The following TENM1 variants were observed in gnomAD, a reference collection of about 807,000 sequenced individuals.
The protein encoded by TENM1 is teneurin-1.
Under a neutral mutation model 174.8 loss-of-function variants are expected in TENM1, and 35 were observed. The observed-to-expected ratio is 0.20, with a 90% confidence interval of 0.15 to 0.27. The LOEUF is 0.27. TENM1 is among the 10% of genes least tolerant of loss of function. The pLI is 1.00. For synonymous variants in TENM1, 781 were observed against 798.7 expected (o/e 0.98, Z 0.37); for missense variants, 1,633 against 2,130.1 (o/e 0.77, Z 4.59).
intron 27 of TENM1, among the ~76,000 whole-genome samples, chrX:124,399,817 C>T (rs970647758): frequency 9.0e-6 from 1 of 111,048 alleles, no homozygotes; most frequent in African/African-American, 3.3e-5. Context: ...GAAACAAAAA[C>T]AAAAATTAGC....
chrX:124,414,458 G>A (rs918398127), intron 25 of TENM1, among the ~76,000 whole-genome samples: 2 of 110,743 alleles, frequency 1.8e-5, no homozygotes, highest in African/African-American at 6.6e-5. Flanking sequence ...CAGCTGCTGC[G>A]GGGTTATTAC....
At chrX:124,778,107 T>G (rs2054825105) in intron 3 of TENM1, among the ~76,000 whole-genome samples, 1 of 113,243 alleles carries the variant, frequency 8.8e-6, no homozygotes, top group African/African-American at 3.2e-5. Context: ...ACCAGGATAT[T>G]TAATTGTTCT....
the TENM1 span, among the ~76,000 whole-genome samples, chrX:125,059,906 G>T: frequency 9.1e-6 from 1 of 109,857 alleles, no homozygotes; most frequent in Admixed American, 9.8e-5. Flanking sequence ...TTTTAGATAT[G>T]ATTAACATTT....
At position 124,838,723 on chromosome X, in the gene TENM1, G is replaced by A. The variant is rs1369978198; in HGVS notation, c.535+55573C>T. On this transcript the variant is annotated intron_variant, in intron 3 of 31. Coordinates refer to ENST00000422452, the Ensembl canonical transcript of TENM1. The stretch of plus-strand genomic sequence containing the variant: ...AATAACTCTGTTAACACCAAGTGAC[G>A]TGTTGGTGATGATATGGGAAAAAAG... Among the ~76,000 whole-genome samples, 4 of 111,200 alleles carry A rather than the reference G, an allele frequency of 3.6e-5. 1 individual carries two copies. The highest frequency in any genetic ancestry group is 1.9e-4 in the Admixed American group (2 of 10,452).
intron 28 of TENM1, among the ~76,000 whole-genome samples, chrX:124,387,220 C>T (rs1175497591): frequency 2.7e-5 from 3 of 110,017 alleles, no homozygotes; most frequent in Non-Finnish European, 5.7e-5. Flanking sequence ...TGCAGCCCCT[C>T]TCCCCCAAAC....
intron 23 of TENM1, among the ~76,000 whole-genome samples, chrX:124,436,638 C>T (rs1405427284): frequency 1.8e-5 from 2 of 110,004 alleles, no homozygotes; most frequent in Non-Finnish European, 3.8e-5. Flanking sequence ...GGACTACAGG[C>T]ACCCGCCACC....
chrX:125,034,918 A>G, the TENM1 span, among the ~76,000 whole-genome samples: 1 of 111,804 alleles, frequency 8.9e-6, no homozygotes, highest in Non-Finnish European at 1.9e-5. Flanking sequence ...TAGGCCCACC[A>G]TTAGATGTAA....
the TENM1 span, among the ~76,000 whole-genome samples, chrX:125,162,635 A>G: frequency 9.0e-6 from 1 of 111,100 alleles, no homozygotes; most frequent in Admixed American, 9.6e-5. Context: ...CTCTTCCTCC[A>G]CCAGCACCTC....
chrX:125,032,358 C>T, the TENM1 span, among the ~76,000 whole-genome samples: 16 of 109,820 alleles, frequency 1.5e-4, no homozygotes, highest in Admixed American at 4.9e-4. Flanking sequence ...TTAGTAGAGA[C>T]GGGGTTTTAC....
intron 25 of TENM1, among the ~76,000 whole-genome samples, chrX:124,418,323 T>C (rs1455766348): frequency 1.8e-5 from 2 of 111,104 alleles, no homozygotes; most frequent in African/African-American, 3.3e-5. Context: ...TTATACTTGC[T>C]CTTCCCTTTG....
intron 16 of TENM1, 128 bp from the exon 20 acceptor site, chrX:124,523,753 T>C: frequency 1.5e-6 from 1 of 662,482 alleles, no homozygotes; most frequent in Non-Finnish European, 2.2e-6. Context: ...GTATTGTCTA[T>C]TTTATAAATT....
At chrX:125,079,132 G>A in the TENM1 span, among the ~76,000 whole-genome samples, 1 of 111,450 alleles carries the variant, frequency 9.0e-6, no homozygotes, top group African/African-American at 3.3e-5. Flanking sequence ...ACATCTAAAG[G>A]GCTGTGGATG....
chrX:124,603,974 T>C (rs2050090196), intron 11 of TENM1, among the ~76,000 whole-genome samples: 2 of 111,677 alleles, frequency 1.8e-5, no homozygotes, highest in East Asian at 2.8e-4. Context: ...GATACTTTAA[T>C]AAAATCATTA....
the TENM1 span, among the ~76,000 whole-genome samples, chrX:125,101,839 C>T: frequency 9.2e-6 from 1 of 108,770 alleles, no homozygotes; most frequent in Non-Finnish European, 1.9e-5. Context: ...GGATACTGAC[C>T]ATTAAAACTC....
At chrX:124,443,169 G>C (rs922020492) in intron 23 of TENM1, among the ~76,000 whole-genome samples, 1 of 105,069 alleles carries the variant, frequency 9.5e-6, no homozygotes, top group African/African-American at 3.5e-5. Flanking sequence ...TATAGATTTT[G>C]AAGAGGAGGC....
chrX:124,621,133 G>A (rs181640109), intron 11 of TENM1, among the ~76,000 whole-genome samples: 116 of 111,964 alleles, frequency 1.0e-3, no homozygotes, highest in Non-Finnish European at 1.9e-3. Context: ...GATTTTGTAC[G>A]TTTTCAGATT....
At chrX:125,124,128 C>T in the TENM1 span, among the ~76,000 whole-genome samples, 5 of 112,169 alleles carry the variant, frequency 4.5e-5, no homozygotes, top group African/African-American at 1.6e-4. Flanking sequence ...GCACCCAATG[C>T]GTGTATCTTT....
At chrX:125,084,912 C>T in the TENM1 span, among the ~76,000 whole-genome samples, 1 of 111,121 alleles carries the variant, frequency 9.0e-6, no homozygotes, top group African/African-American at 3.3e-5. Context: ...TGTGAATGGT[C>T]AACTTTTTTA....
At chrX:125,030,240 G>A in the TENM1 span, among the ~76,000 whole-genome samples, 156 of 111,801 alleles carry the variant, frequency 1.4e-3, no homozygotes, top group East Asian at 2.3e-3. Context: ...TAAAACATCC[G>A]AAGAAGGTCG....
Sources: allele counts gnomAD v4.1 joint callset (sites outside exome capture counted in the v4.1 genomes callset), GRCh38; gene constraint gnomAD v4.1.1; transcripts MANE v1.5; gene names NCBI Gene and HGNC (gene_info 2026-07-23, HGNC 2026-07-21).